The following PHLDB2 variants were observed in gnomAD, a reference collection of about 807,000 sequenced individuals.
The protein encoded by PHLDB2 is pleckstrin homology like domain family B member 2, also known as pleckstrin homology-like domain family B member 2.
Under a neutral mutation model 123.6 loss-of-function variants are expected in PHLDB2, and 71 were observed. The ratio of observed to expected loss-of-function variants is 0.57; its 90% CI spans 0.47 to 0.70. The LOEUF is 0.70. Ranked by LOEUF, PHLDB2 falls within the 30% of genes least tolerant of loss-of-function variation. The pLI, the probability that PHLDB2 is intolerant of heterozygous loss-of-function variation, is 0.00. For synonymous variants in PHLDB2, 547 were observed against 541.6 expected, an observed-to-expected ratio of 1.01 and a Z score of -0.14; for missense variants, 1,446 against 1,519.5, an observed-to-expected ratio of 0.95 and a Z score of 0.80.
intron 2 of PHLDB2, among the ~76,000 whole-genome samples, chr3:111,911,096 A>T (rs111398289): frequency 7.6e-4 from 116 of 152,334 alleles, no homozygotes; most frequent in African/African-American, 2.7e-3. Flanking sequence ...ATTAAGCAAT[A>T]CCACTGCAGA....
rs139870053 is a variant in PHLDB2, at chr3:111,873,576, G to A, written c.-14-10488G>A. 1.2e-3 allele frequency among the ~76,000 whole-genome samples: 188 copies of A among 152,262 alleles called. 1 individual carries two copies. Among genetic ancestry groups the A allele is most frequent in the African/African-American group, 4.4e-3 (181 of 41,558 alleles). On this transcript the variant is annotated intron_variant, in intron 1 of 17. Transcript: ENST00000431670. ...AACCCTTCAATTCTTTACTGTAGGAGTAAATATTTAAAATGCAGTTTGGGT... is the reference window on the plus strand; with the variant it reads ...AACCCTTCAATTCTTTACTGTAGGAATAAATATTTAAAATGCAGTTTGGGT...
intron 2 of PHLDB2, among the ~76,000 whole-genome samples, chr3:111,850,775 T>A (rs1010642691): frequency 1.3e-5 from 2 of 151,784 alleles, no homozygotes; most frequent in Non-Finnish European, 2.9e-5. Flanking sequence ...AGTCAATACA[T>A]AAATAAATAA....
chr3:111,960,621 G>A (rs1012289676), intron 12 of PHLDB2, among the ~76,000 whole-genome samples: 1 of 152,124 alleles, frequency 6.6e-6, no homozygotes, highest in Admixed American at 6.5e-5. Flanking sequence ...GAAAGCCATT[G>A]AGAATTACTT....
intron 1 of PHLDB2, among the ~76,000 whole-genome samples, chr3:111,807,946 GT>G (rs11418818): frequency 0.22 from 18,938 of 85,982 alleles, 958 homozygotes; most frequent in Non-Finnish European, 0.32. Context: ...TAAGCTGGGT[GT>G]TTTTTTTTTT....
intron 1 of PHLDB2, among the ~76,000 whole-genome samples, chr3:111,776,971 G>A (rs544393510): frequency 1.8e-4 from 28 of 152,134 alleles, no homozygotes; most frequent in African/African-American, 5.1e-4. Flanking sequence ...AAGTGTGTAC[G>A]GTGAAGGGGC....
At position 111,875,651 on chromosome 3, in the gene PHLDB2, C is replaced by T. The variant is rs529887163; in HGVS notation, c.-14-8413C>T. 8.6e-5 allele frequency among the ~76,000 whole-genome samples: 13 copies of T among 150,788 alleles called. No individual in the cohort carries two copies. In the East Asian group the frequency reaches 2.4e-3, roughly 28 times the overall value. On this transcript the variant is annotated intron_variant, in intron 1 of 17. Transcript: ENST00000431670. ...CAGCTTGGCAAACATGGTGAAACCCCGTTTCTACTAAAAATACAAAAATTA... is the reference window on the plus strand; with the variant it reads ...CAGCTTGGCAAACATGGTGAAACCCTGTTTCTACTAAAAATACAAAAATTA...
At chr3:111,959,021 C>T (rs1245159464) in intron 12 of PHLDB2, among the ~76,000 whole-genome samples, 1 of 152,254 alleles carries the variant, frequency 6.6e-6, no homozygotes, top group Admixed American at 6.5e-5. Context: ...GATAAAGCTT[C>T]AATGAGAGTG....
chr3:111,780,410 A>AGGAAGGAAGAAGAAG (rs1491243663), intron 1 of PHLDB2, among the ~76,000 whole-genome samples: 3 of 129,594 alleles, frequency 2.3e-5, no homozygotes, highest in Non-Finnish European at 3.4e-5. Flanking sequence ...GAAGAAGAAG[A>AGGAAGGAAGAAGAAG]AAAAGATTAG....
chr3:111,891,636 G>A (rs1206782776), intron 2 of PHLDB2, among the ~76,000 whole-genome samples: 1 of 151,986 alleles, frequency 6.6e-6, no homozygotes, highest in South Asian at 2.1e-4. Context: ...GAATCACCCC[G>A]AAACCATCCC....
At chr3:111,964,506 A>ATTTTT (rs529646565) in intron 13 of PHLDB2, among the ~76,000 whole-genome samples, 1 of 143,572 alleles carries the variant, frequency 7.0e-6, no homozygotes, top group Non-Finnish European at 1.5e-5. Context: ...CACCTGGCTA[A>ATTTTT]TTTTTTTTTT....
chr3:111,854,620 A>G (rs551730316), upstream of PHLDB2, among the ~76,000 whole-genome samples: 34 of 152,374 alleles, frequency 2.2e-4, no homozygotes, highest in African/African-American at 8.2e-4. Flanking sequence ...TTCTAATAAA[A>G]GAGAACAATA....
chr3:111,894,205 C>T (rs2066680340), intron 2 of PHLDB2, among the ~76,000 whole-genome samples: 1 of 151,414 alleles, frequency 6.6e-6, no homozygotes, highest in South Asian at 2.1e-4. Context: ...ATGATGATTT[C>T]CAATTTCATC....
Position 111,809,496 on chromosome 3 carries a change from C to T in PHLDB2, c.-48-36325C>T, listed in dbSNP as rs181695737. 1.9e-3 allele frequency among the ~76,000 whole-genome samples: 284 copies of T among 152,320 alleles called. 2 individuals are homozygous for T. In the Middle Eastern group the frequency reaches 0.024, roughly 13 times the overall value. On this transcript the variant is annotated intron_variant, in intron 1 of 17. Transcript: ENST00000393923. ...TGCCCAGCCTCACAAGCCTGATTTCCTCTTCTTTTCTCCACAAACACCCAC... is the reference window on the plus strand; with the variant it reads ...TGCCCAGCCTCACAAGCCTGATTTCTTCTTCTTTTCTCCACAAACACCCAC...
chr3:111,890,517 C>G (rs2066417821), intron 2 of PHLDB2, among the ~76,000 whole-genome samples: 1 of 152,182 alleles, frequency 6.6e-6, no homozygotes, highest in African/African-American at 2.4e-5. Context: ...GTAAACGCAA[C>G]TCTTATATAA....
intron 1 of PHLDB2, among the ~76,000 whole-genome samples, chr3:111,841,126 G>A (rs746867086): frequency 2.6e-5 from 4 of 152,086 alleles, no homozygotes; most frequent in Non-Finnish European, 5.9e-5. Context: ...TTGAGACGGA[G>A]TCTCACTCTG....
At position 111,920,363 on chromosome 3, in the gene PHLDB2, C is replaced by A; in HGVS notation, c.1945C>A (p.His649Asn). ...TATGAAGGAGAAGGAGATTTTGGAT[C>A]ATCTAAACCGGAAAATAGCTGAACT... ...ELMKEKEILD[H>N]LNRKIAELEK... Residue 649 changes from histidine (H) to asparagine (N), a missense_variant, in exon 5 of 18, where the codon CAT becomes AAT. His to Asn is a moderately conservative substitution (Grantham distance 68). Transcript: ENST00000431670. 1 of 1,613,932 alleles carries A rather than the reference C, an allele frequency of 6.2e-7. No homozygotes were observed. The highest frequency in any genetic ancestry group is 1.3e-5 in the African/African-American group (1 of 75,028).
At chr3:111,917,936 T>A (rs893334058) in intron 3 of PHLDB2, among the ~76,000 whole-genome samples, 1 of 152,186 alleles carries the variant, frequency 6.6e-6, no homozygotes, top group Admixed American at 6.5e-5. Context: ...TTCAATAATT[T>A]ACTCAACTGG....
Position 111,797,064 on chromosome 3 carries a change from G to A in PHLDB2, c.-48-48757G>A, listed in dbSNP as rs187503923. On this transcript the variant is annotated intron_variant, in intron 1 of 17. Transcript: ENST00000393923. Reference sequence around the variant, plus strand: ...ATCTTCTTTTCCTGCCTACCTTCTGGTCATGCCTCATGTCTTAGCTAAATG... The same window carrying A: ...ATCTTCTTTTCCTGCCTACCTTCTGATCATGCCTCATGTCTTAGCTAAATG... Among the ~76,000 whole-genome samples the A allele has an allele frequency of 6.5e-4, 99 of 152,106 alleles. No individual in the cohort carries two copies. In the South Asian group the frequency reaches 9.4e-3, roughly 14 times the overall value.
chr3:111,883,313 A>G (rs1446687376), intron 1 of PHLDB2, among the ~76,000 whole-genome samples: 3 of 152,176 alleles, frequency 2.0e-5, no homozygotes, highest in Non-Finnish European at 4.4e-5. Flanking sequence ...AAGAGTGACT[A>G]GGTCCTGATA....
Sources: allele counts gnomAD v4.1 joint callset (sites outside exome capture counted in the v4.1 genomes callset), GRCh38; gene constraint gnomAD v4.1.1; transcripts MANE v1.5; gene names NCBI Gene and HGNC (gene_info 2026-07-23, HGNC 2026-07-21).